Variants in ARHGAP6 observed in about 807,000 individuals in gnomAD.
The protein encoded by ARHGAP6 is rho GTPase-activating protein 6.
In ARHGAP6, 16 loss-of-function variants were observed where a neutral mutation model predicts 55.7. That is an observed-to-expected ratio of 0.29 (90% CI 0.19 to 0.44). The LOEUF (loss-of-function observed/expected upper bound fraction) is 0.44. Ranked by LOEUF, ARHGAP6 falls within the 20% of genes least tolerant of loss-of-function variation. The probability of loss-of-function intolerance (pLI) is 1.00; values close to 1 mark genes in which losing one functional copy is unlikely to be tolerated. For synonymous variants in ARHGAP6, 382 were observed against 360.9 expected, an observed-to-expected ratio of 1.06 and a Z score of -0.66; for missense variants, 698 against 808.9, an observed-to-expected ratio of 0.86 and a Z score of 1.66.
chrX:11,508,852 TACACACACAC>T (rs199575300), intron 1 of ARHGAP6, among the ~76,000 whole-genome samples: 15 of 101,994 alleles, frequency 1.5e-4, no homozygotes, highest in African/African-American at 4.3e-4. Context: ...CAACTCATAC[TACACACACAC>T]ACACACACAC....
In ARHGAP6 at chrX:11,195,991, G is replaced by A. The variant is rs769849059; in HGVS notation, c.820+934C>T. ...AAAAAAAAAAAAAAAAAAAAAAGCC[G>A]GTTGTGGTGGTGGGCGCCTGTAGTC... On this transcript the variant is annotated intron_variant, in intron 3 of 12. Transcript: ENST00000337414. Among the ~76,000 whole-genome samples, 114 of 88,711 alleles carry A rather than the reference G, an allele frequency of 1.3e-3. 1 individual carries two copies. Among genetic ancestry groups the A allele is most frequent in the Middle Eastern group, 0.013 (2 of 149 alleles). The allele number at this position is 88,711 out of a possible 115,157, so 77.0% of individuals were successfully genotyped here.
intron 12 of ARHGAP6, among the ~76,000 whole-genome samples, chrX:11,140,432 A>C (rs2045605495): frequency 1.0e-5 from 1 of 96,658 alleles, no homozygotes; most frequent in East Asian, 2.9e-4. Context: ...AAAAAAAAAA[A>C]AATTAAAAAA....
rs191556846 is a variant in ARHGAP6, at chrX:11,169,499, A to T, written c.1809+6T>A. 1.7e-6 allele frequency: 2 copies of T among 1,179,141 alleles called. No individual in the cohort carries two copies. The highest frequency in any genetic ancestry group is 6.2e-5 in the East Asian group (2 of 32,376). On this transcript the variant is annotated splice_donor_region_variant and intron_variant, in intron 9 of 12. Coordinates refer to ENST00000337414, the MANE Select transcript of ARHGAP6 (RefSeq NM_013427.3). ...TGTGATGTCCTGCCACAGAAGGGCC[A>T]CCTACCATGAACAGGGCTTCATAAT...
intron 1 of ARHGAP6, among the ~76,000 whole-genome samples, chrX:11,440,208 G>A (rs984573050): frequency 7.1e-5 from 8 of 112,237 alleles, no homozygotes; most frequent in African/African-American, 2.3e-4. Context: ...AAGTGAACTC[G>A]AATTGTTATT....
At chrX:11,350,750 T>C (rs1231892363) in intron 1 of ARHGAP6, among the ~76,000 whole-genome samples, 2 of 111,812 alleles carry the variant, frequency 1.8e-5, no homozygotes, top group African/African-American at 6.5e-5. Context: ...CCCCATAAGA[T>C]AACTTTAAAG....
At chrX:11,380,725 A>T (rs1444813059) in intron 1 of ARHGAP6, among the ~76,000 whole-genome samples, 1 of 111,844 alleles carries the variant, frequency 8.9e-6, no homozygotes, top group Admixed American at 9.5e-5. Flanking sequence ...ACAGTTTCTC[A>T]GCTTTGGCAC....
intron 2 of ARHGAP6, among the ~76,000 whole-genome samples, chrX:11,254,052 G>A (rs1251573287): frequency 8.9e-6 from 1 of 111,760 alleles, no homozygotes; most frequent in African/African-American, 3.3e-5. Flanking sequence ...GGTGTGCACT[G>A]GCTCCAGTGC....
At chrX:11,452,216 C>G (rs757307897) in intron 1 of ARHGAP6, among the ~76,000 whole-genome samples, 1 of 112,241 alleles carries the variant, frequency 8.9e-6, no homozygotes, top group South Asian at 3.7e-4. Flanking sequence ...GGCACGATCT[C>G]GGCTTACTGC....
rs935929061 is a variant in ARHGAP6 at position 11,384,893 on chromosome X, C to A, written c.589-130186G>T. ...TTTTAGCGCTGAAAAGTTCCCATGT[C>A]CCAGCAAACCCTCCAGTCCTGGAAA... is the stretch of plus-strand genomic sequence containing the variant. On this transcript the variant is annotated intron_variant, in intron 1 of 12. Coordinates refer to ENST00000337414, the MANE Select transcript of ARHGAP6 (RefSeq NM_013427.3). Among the ~76,000 whole-genome samples the A allele has an allele frequency of 3.6e-5, 4 of 111,389 alleles. No homozygotes were observed. The East Asian group carries it at 8.4e-4, about 23-fold the overall frequency.
intron 2 of ARHGAP6, among the ~76,000 whole-genome samples, chrX:11,209,992 A>G (rs2046767750): frequency 8.9e-6 from 1 of 112,717 alleles, no homozygotes. Context: ...TATACATCAT[A>G]CAGTTGCAGG....
At chrX:11,520,839 T>C (rs886762411) in intron 1 of ARHGAP6, among the ~76,000 whole-genome samples, 2 of 111,835 alleles carry the variant, frequency 1.8e-5, no homozygotes, top group Admixed American at 9.5e-5. Context: ...TCCTGACTTT[T>C]GAATGATCGC....
At chrX:11,182,223 G>A (rs2046323559) in intron 5 of ARHGAP6, 105 bp from the exon 6 acceptor site, 3 of 578,529 alleles carry the variant, frequency 5.2e-6, no homozygotes, top group Non-Finnish European at 8.2e-6. Flanking sequence ...AACATGTAGA[G>A]CAATAGTAAC....
chrX:11,213,182 C>G (rs1382887299), intron 2 of ARHGAP6, among the ~76,000 whole-genome samples: 2 of 113,119 alleles, frequency 1.8e-5, no homozygotes, highest in Non-Finnish European at 3.7e-5. Context: ...CTCGTTCCAG[C>G]CACCCTTGCC....
chrX:11,593,409 A>G (rs1019778528), intron 1 of ARHGAP6, among the ~76,000 whole-genome samples: 5 of 112,172 alleles, frequency 4.5e-5, no homozygotes, highest in Non-Finnish European at 3.8e-5. Context: ...CCATAGTGAC[A>G]GTAAAAGATC....
chrX:11,438,645 A>G (rs1369446622), intron 1 of ARHGAP6, among the ~76,000 whole-genome samples: 1 of 112,739 alleles, frequency 8.9e-6, no homozygotes, highest in Non-Finnish European at 1.9e-5. Context: ...ATTAAAAAGA[A>G]ATTGTTTCTA....
chrX:11,358,184 G>C (rs1280056522), intron 1 of ARHGAP6, among the ~76,000 whole-genome samples: 2 of 111,686 alleles, frequency 1.8e-5, no homozygotes, highest in East Asian at 5.6e-4. Flanking sequence ...TAACATTTTC[G>C]AGGTTTGCAT....
rs190114346 is a variant in ARHGAP6, at chrX:11,279,712, G to A, written c.589-25005C>T. Among the ~76,000 whole-genome samples, 596 of 109,777 alleles carry A rather than the reference G, an allele frequency of 5.4e-3. 3 individuals are homozygous for A. The highest frequency in any genetic ancestry group is 0.026 in the South Asian group (66 of 2,551). ...ATGACTAATAAACCTAACAACTTTC[G>A]ACACTTATTTTTTTGCCAAAGACTA... On this transcript the variant is annotated intron_variant, in intron 1 of 12. Coordinates refer to ENST00000337414, the MANE Select transcript of ARHGAP6 (RefSeq NM_013427.3).
At chrX:11,544,054 A>G (rs1290040761) in intron 1 of ARHGAP6, among the ~76,000 whole-genome samples, 2 of 112,284 alleles carry the variant, frequency 1.8e-5, no homozygotes, top group Non-Finnish European at 3.8e-5. Flanking sequence ...TTTAGAAGGT[A>G]TCTTCACTCT....
At chrX:11,179,804 A>G (rs764865100) in intron 6 of ARHGAP6, among the ~76,000 whole-genome samples, 20 of 106,010 alleles carry the variant, frequency 1.9e-4, no homozygotes, top group African/African-American at 6.5e-4. Flanking sequence ...AAATAAAACT[A>G]TCTGTGGATT....
Sources: gnomAD v4.1 joint callset for allele counts (sites outside exome capture counted in the v4.1 genomes callset) on GRCh38, gnomAD v4.1.1 for gene constraint, MANE v1.5 for transcripts, NCBI Gene and HGNC (gene_info 2026-07-23, HGNC 2026-07-21) for gene names.